The following BPIFB1 variants were observed in gnomAD, a reference collection of about 807,000 sequenced individuals.
BPIFB1 encodes BPI fold containing family B member 1, also known as BPI fold-containing family B member 1.
BPIFB1 carries 34 observed loss-of-function variants against 55.1 expected under a neutral mutation model. The observed-to-expected ratio is 0.62, with a 90% confidence interval of 0.47 to 0.82. BPIFB1 has a LOEUF of 0.82. Among genes scored for constraint, BPIFB1 ranks in the 40% least tolerant of loss-of-function variants. The pLI is 0.00. For missense variants in BPIFB1, 532 were observed against 593.1 expected, an observed-to-expected ratio of 0.90 and a Z score of 1.07; for synonymous variants, 236 against 245.3, an observed-to-expected ratio of 0.96 and a Z score of 0.35.
chr20:33,289,876 C>T lies in BPIFB1; in HGVS notation c.258-9C>T, dbSNP rs1008777755. The T allele has an allele frequency of 1.9e-6, 3 of 1,612,418 alleles. No individual in the cohort carries two copies. The highest frequency in any genetic ancestry group is 1.7e-5 in the Admixed American group (1 of 59,984). ...GGCATGATTCTGATCTCTCCTAAAC[C>T]CCATCCAGGCTGAAGGTCATCACAG... On this transcript the variant is annotated splice_polypyrimidine_tract_variant and intron_variant, in intron 3 of 15. Transcript: ENST00000253354.
chr20:33,301,056 T>C (rs1980830906), intron 8 of BPIFB1, among the ~76,000 whole-genome samples, 177 bp from the exon 9 acceptor site: 2 of 152,148 alleles, frequency 1.3e-5, no homozygotes, highest in Non-Finnish European at 1.5e-5. Context: ...AAGTCAGAGA[T>C]TATCCGAGGG....
At chr20:33,298,928 T>G (rs1268347743) in intron 7 of BPIFB1, 1 of 458,578 alleles carries the variant, frequency 2.2e-6, no homozygotes, top group Non-Finnish European at 3.2e-6. Flanking sequence ...ATCACATTTT[T>G]TTGTTGTTGT....
At chr20:33,297,460 C>G in intron 6 of BPIFB1, 65 bp from the exon 7 acceptor site, 2 of 1,560,730 alleles carry the variant, frequency 1.3e-6, no homozygotes, top group East Asian at 4.5e-5. Flanking sequence ...GGGCACAGCC[C>G]GGGGCTGCTG....
In BPIFB1 at chr20:33,290,981, G is replaced by A; in HGVS notation, c.390G>A (p.Glu130=). ...FNTPLVKTIV[E]FHMTTEAQAT... is the part of the protein sequence containing the mutation. ...GGCCCCTGGTCAAGACCATCGTGGA[G>A]TTCCACATGACGACTGAGGCCCAAG... Residue 130 remains glutamate, a synonymous_variant, in exon 5 of 16, where the codon GAG becomes GAA. Transcript: ENST00000253354. 2 of 1,613,986 alleles carry A rather than the reference G, an allele frequency of 1.2e-6. No homozygotes were observed. Among genetic ancestry groups the A allele is most frequent in the South Asian group, 1.1e-5 (1 of 91,076 alleles).
chr20:33,285,509 C>G (rs192009071), intron 1 of BPIFB1, among the ~76,000 whole-genome samples: 39 of 151,440 alleles, frequency 2.6e-4, no homozygotes, highest in African/African-American at 8.3e-4. Flanking sequence ...GTCAGGAGAT[C>G]GAGACCATCC....
At chr20:33,300,038 AC>A in intron 8 of BPIFB1, 54 bp downstream of exon 8, 4 of 1,493,568 alleles carry the variant, frequency 2.7e-6, no homozygotes, top group South Asian at 1.1e-5. Context: ...CCCTTCTCTG[AC>A]CACCAGGAGT....
At chr20:33,304,552 G>A (rs963320326) in intron 12 of BPIFB1, among the ~76,000 whole-genome samples, 1 of 152,228 alleles carries the variant, frequency 6.6e-6, no homozygotes, top group Non-Finnish European at 1.5e-5. Flanking sequence ...TGTCGAGCCA[G>A]GAATTGGGGC....
intron 15 of BPIFB1, among the ~76,000 whole-genome samples, chr20:33,308,911 C>T (rs1474634889): frequency 6.6e-6 from 1 of 151,162 alleles, no homozygotes; most frequent in Non-Finnish European, 1.5e-5. Context: ...CACACACATA[C>T]ACAGAGACGC....
chr20:33,283,683 G>T (rs1215434580), intron 1 of BPIFB1, among the ~76,000 whole-genome samples: 1 of 152,148 alleles, frequency 6.6e-6, no homozygotes, highest in African/African-American at 2.4e-5. Flanking sequence ...CCTGGAAGAG[G>T]TGATGTGTTG....
intron 6 of BPIFB1, among the ~76,000 whole-genome samples, chr20:33,292,204 C>T (rs1980497371): frequency 6.6e-6 from 1 of 152,212 alleles, no homozygotes; most frequent in Non-Finnish European, 1.5e-5. Flanking sequence ...CAGCCAGGAG[C>T]CCGTGAACAG....
At chr20:33,303,241 C>G (rs1456134325) in intron 11 of BPIFB1, among the ~76,000 whole-genome samples, 167 bp downstream of exon 11, 2 of 152,186 alleles carry the variant, frequency 1.3e-5, no homozygotes, top group African/African-American at 4.8e-5. Context: ...GGGTCCAATT[C>G]TAACCCTGTG....
At position 33,284,272 on chromosome 20, in the gene BPIFB1, A is replaced by T. The variant is rs531380699; in HGVS notation, c.-42+1018A>T. On this transcript the variant is annotated intron_variant, in intron 1 of 15. Transcript: ENST00000253354. ...AGCAAGTGGTAGAGGCAGGCCTCCA[A>T]CTAGGGTTCATCTGGCTGCCAAGCC... 1.1e-4 allele frequency among the ~76,000 whole-genome samples: 16 copies of T among 152,364 alleles called. No individual in the cohort carries two copies. In the South Asian group the frequency reaches 3.3e-3, roughly 32 times the overall value.
Position 33,309,417 on chromosome 20 carries a change from G to A in BPIFB1, c.1396-291G>A, listed in dbSNP as rs1981158549. ...GGGGTGATCAAGGCGGGTGCTAAGTGCAAATCCCACTTCTGCCACCTACTG... is the reference window on the plus strand; with the variant it reads ...GGGGTGATCAAGGCGGGTGCTAAGTACAAATCCCACTTCTGCCACCTACTG... On this transcript the variant is annotated intron_variant, in intron 15 of 15. Coordinates refer to ENST00000253354, the MANE Select transcript of BPIFB1 (RefSeq NM_033197.3). The surrounding 1 kb of genome is among the most constrained non-coding windows in gnomAD (Gnocchi z 4.4). Among the ~76,000 whole-genome samples the A allele has an allele frequency of 6.6e-6, 1 of 152,170 alleles. No homozygotes were observed. Among genetic ancestry groups the A allele is most frequent in the Admixed American group, 6.5e-5 (1 of 15,276 alleles).
chr20:33,291,147 G>A (rs553221042), intron 5 of BPIFB1, 41 bp downstream of exon 5: 65 of 1,600,658 alleles, frequency 4.1e-5, no homozygotes, highest in Admixed American at 1.3e-4. Flanking sequence ...CATCCTGCCT[G>A]GAAGGAACGC....
At chr20:33,299,767 C>A (rs1388897296) in intron 7 of BPIFB1, 132 bp from the exon 8 acceptor site, 2 of 697,970 alleles carry the variant, frequency 2.9e-6, no homozygotes, top group Admixed American at 2.1e-5. Flanking sequence ...TTATTATCAA[C>A]ATCATTATTA....
rs373099188 is a variant in BPIFB1 at position 33,303,052 on chromosome 20, G to T, written c.1118G>T (p.Arg373Leu). 1 of 1,613,922 alleles carries T rather than the reference G, an allele frequency of 6.2e-7. No individual in the cohort carries two copies. The highest frequency in any genetic ancestry group is 1.1e-5 in the South Asian group (1 of 91,070). The change falls in exon 11 of 16, where the codon CGC becomes CTC. Residue 373 changes from arginine (R) to leucine (L), a missense_variant. By Grantham distance (102) the Arg-to-Leu change is moderately radical. Coordinates refer to ENST00000253354, the MANE Select transcript of BPIFB1 (RefSeq NM_033197.3). ...LEVFPSSEAL[R>L]PLFTLGIEAS... ...GTGTTTCCCTCCAGTGAAGCCCTCC[G>T]CCCTTTGTTCACCCTGGGCATCGTG...
intron 1 of BPIFB1, among the ~76,000 whole-genome samples, chr20:33,285,492 T>A (rs1369725068): frequency 1.3e-5 from 2 of 151,642 alleles, no homozygotes; most frequent in Non-Finnish European, 2.9e-5. Flanking sequence ...GGTGGGCAGA[T>A]CACGAGGTCA....
chr20:33,301,771 CT>C (rs1302789916), intron 9 of BPIFB1, among the ~76,000 whole-genome samples: 3 of 152,224 alleles, frequency 2.0e-5, no homozygotes, highest in Admixed American at 1.3e-4. Flanking sequence ...CACTATGACA[CT>C]CATGGCAGAC....
chr20:33,292,839 C>A (rs1303363544), intron 6 of BPIFB1, among the ~76,000 whole-genome samples: 1 of 152,244 alleles, frequency 6.6e-6, no homozygotes, highest in African/African-American at 2.4e-5. Context: ...GTGTTCGTAA[C>A]AATGGGCCAC....
Sources: allele counts gnomAD v4.1 joint callset (sites outside exome capture counted in the v4.1 genomes callset), GRCh38; gene constraint gnomAD v4.1.1; non-coding constraint Gnocchi (gnomAD v3.1); transcripts MANE v1.5; gene names NCBI Gene and HGNC (gene_info 2026-07-23, HGNC 2026-07-21).